FBXL20: variants seen among roughly 807,000 people sequenced by gnomAD.
FBXL20 encodes F-box/LRR-repeat protein 20.
FBXL20 carries 11 observed loss-of-function variants against 64.0 expected under a neutral mutation model. The observed-to-expected ratio is 0.17, with a 90% CI of 0.11 to 0.28. The LOEUF is 0.28. Ranked by LOEUF, FBXL20 falls within the 10% of genes least tolerant of loss-of-function variation. FBXL20 has a pLI of 1.00. For synonymous variants in FBXL20, 184 were observed against 189.0 expected (o/e 0.97, Z 0.22); for missense variants, 303 against 526.2 (o/e 0.58, Z 4.15).
chr17:39,307,336 A>G (rs900111074), intron 2 of FBXL20, among the ~76,000 whole-genome samples: 1 of 152,218 alleles, frequency 6.6e-6, no homozygotes, highest in Non-Finnish European at 1.5e-5. Flanking sequence ...AAGGGTGGTC[A>G]AGGAAAGCCT....
At chr17:39,387,909 A>G (rs572677325) in intron 1 of FBXL20, among the ~76,000 whole-genome samples, 4 of 152,158 alleles carry the variant, frequency 2.6e-5, no homozygotes, top group Admixed American at 2.0e-4. Flanking sequence ...GATACTTTCA[A>G]TTTATCATAG....
At chr17:39,296,559 CAAAAAAAAA>C (rs60002793) in intron 6 of FBXL20, among the ~76,000 whole-genome samples, 11 of 62,164 alleles carry the variant, frequency 1.8e-4, no homozygotes, top group African/African-American at 5.2e-4. Flanking sequence ...GACTCTGTCT[CAAAAAAAAA>C]AAAAAAAAAA....
In FBXL20 at chr17:39,335,227, TGTAATAC is replaced by T. The variant is rs564733313; in HGVS notation, c.104+7946_104+7952del. ...AATAACTGTCTTTGTTTCTTGCTTC[TGTAATAC>T]GCTTCCCCCTGCACAGATCTACCCC... On this transcript the variant is annotated intron_variant, in intron 2 of 14. Coordinates refer to ENST00000264658, the MANE Select transcript of FBXL20 (RefSeq NM_032875.3). 1.5e-3 allele frequency among the ~76,000 whole-genome samples: 235 copies of T among 152,288 alleles called. 3 individuals carry two copies. The South Asian group carries it at 0.016, about 11-fold the overall frequency.
chr17:39,383,349 G>A (rs999165863), intron 1 of FBXL20, among the ~76,000 whole-genome samples: 5 of 152,096 alleles, frequency 3.3e-5, no homozygotes, highest in Non-Finnish European at 5.9e-5. Flanking sequence ...GGTCGGGTAT[G>A]ATGGCTCATG....
chr17:39,335,177 AATG>A (rs1156381347), intron 2 of FBXL20, among the ~76,000 whole-genome samples: 1 of 152,030 alleles, frequency 6.6e-6, no homozygotes. Context: ...AAAAGTAAGA[AATG>A]ATGTAATGCA....
chr17:39,337,909 G>A (rs1414822424), intron 2 of FBXL20, among the ~76,000 whole-genome samples: 4 of 150,480 alleles, frequency 2.7e-5, no homozygotes, highest in Non-Finnish European at 5.9e-5. Context: ...ATCCGGGAGG[G>A]AGGTGGGGGG....
chr17:39,264,683 AAC>A (rs1297170715), intron 13 of FBXL20, among the ~76,000 whole-genome samples: 4 of 152,178 alleles, frequency 2.6e-5, no homozygotes, highest in Admixed American at 6.6e-5. Context: ...TCCTCAAATT[AAC>A]ACTTTTCCTT....
At chr17:39,393,875 T>G (rs1258034385) in intron 1 of FBXL20, among the ~76,000 whole-genome samples, 1 of 152,218 alleles carries the variant, frequency 6.6e-6, no homozygotes, top group East Asian at 1.9e-4. Context: ...TTTATAAAAG[T>G]TATACAACTA....
intron 2 of FBXL20, among the ~76,000 whole-genome samples, chr17:39,331,909 A>C (rs2047465162): frequency 6.6e-6 from 1 of 152,198 alleles, no homozygotes; most frequent in Non-Finnish European, 1.5e-5. Context: ...GCTACAACAA[A>C]ATACCTCAGA....
intron 2 of FBXL20, among the ~76,000 whole-genome samples, chr17:39,328,717 G>T (rs1359213894): frequency 1.3e-5 from 2 of 152,288 alleles, no homozygotes; most frequent in African/African-American, 2.4e-5. Context: ...TTTCAGGAAA[G>T]AATCAAATTA....
chr17:39,381,153 T>C (rs147805415), intron 1 of FBXL20, among the ~76,000 whole-genome samples: 1,606 of 141,506 alleles, frequency 0.011, 27 homozygotes, highest in African/African-American at 0.041. Context: ...AGAGTGAAAC[T>C]CCGTCTCAAA....
intron 1 of FBXL20, 137 bp downstream of exon 1, chr17:39,401,224 G>T: frequency 6.5e-7 from 1 of 1,531,924 alleles, no homozygotes; most frequent in East Asian, 2.4e-5. Flanking sequence ...GCAAGAAAGG[G>T]GAGCGGAGTC....
Position 39,401,514 on chromosome 17 carries a change from A to G in FBXL20, c.-112T>C. Reference sequence around the variant, plus strand: ...ACGGGGACTGGGCGCCGGAGGGGTGACGCCGGGACCGTGGGACGGGAACAA... The same window carrying G: ...ACGGGGACTGGGCGCCGGAGGGGTGGCGCCGGGACCGTGGGACGGGAACAA... On this transcript the variant is annotated 5_prime_UTR_variant, in exon 1 of 15. Transcript: ENST00000264658. 1 of 1,472,570 alleles carries G rather than the reference A, an allele frequency of 6.8e-7. No individual in the cohort carries two copies. The highest frequency in any genetic ancestry group is 8.9e-7 in the Non-Finnish European group (1 of 1,121,710). The allele number at this position is 1,472,570 out of a possible 1,614,324, so 91.2% of individuals were successfully genotyped here.
rs1314618395 is a variant in FBXL20 at position 39,389,623 on chromosome 17, CCTGG to C, written c.42+11734_42+11737del. Among the ~76,000 whole-genome samples, 10 of 152,062 alleles carry C rather than the reference CCTGG, an allele frequency of 6.6e-5. No homozygotes were observed. In the South Asian group the frequency reaches 2.1e-3, roughly 32 times the overall value. ...CACAAGGTTAGGAGATCGAGACCATCCTGGCTAACACGGTGAAACCCTGTCTCTA... is the reference window on the plus strand; with the variant it reads ...CACAAGGTTAGGAGATCGAGACCATCCTAACACGGTGAAACCCTGTCTCTA... On this transcript the variant is annotated intron_variant, in intron 1 of 14. Coordinates refer to ENST00000264658, the MANE Select transcript of FBXL20 (RefSeq NM_032875.3).
In FBXL20 at chr17:39,351,467, AAT is replaced by A. The variant is rs530095803; in HGVS notation, c.43-8228_43-8227del. 5.9e-5 allele frequency among the ~76,000 whole-genome samples: 9 copies of A among 152,304 alleles called. No individual in the cohort carries two copies. In the South Asian group the frequency reaches 1.2e-3, roughly 21 times the overall value. ...AACAACTATTTCATAAAAGCAATAG[AAT>A]ATGTGTTTTAGGTATTTTACTATTT... On this transcript the variant is annotated intron_variant, in intron 1 of 14. Transcript: ENST00000264658.
At chr17:39,343,337 TA>T (rs200963120) in intron 1 of FBXL20, 96 bp from the exon 2 acceptor site, 19 of 812,040 alleles carry the variant, frequency 2.3e-5, no homozygotes, top group Non-Finnish European at 3.5e-5. Context: ...AGGAAAGAGG[TA>T]AAAAAATATA....
At chr17:39,309,605 C>T (rs1408687440) in intron 2 of FBXL20, among the ~76,000 whole-genome samples, 2 of 151,838 alleles carry the variant, frequency 1.3e-5, no homozygotes, top group African/African-American at 4.8e-5. Flanking sequence ...GAGTTCGAGA[C>T]CAGCCTGGCC....
chr17:39,299,383 G>T (rs2047114530), intron 4 of FBXL20, among the ~76,000 whole-genome samples: 1 of 152,164 alleles, frequency 6.6e-6, no homozygotes, highest in African/African-American at 2.4e-5. Flanking sequence ...GCTGGGTTAA[G>T]CTGCAGCTAC....
In FBXL20 at chr17:39,401,407, C is replaced by A; in HGVS notation, c.-5G>T. The A allele has an allele frequency of 6.2e-7, 1 of 1,602,498 alleles. No homozygotes were observed. Among genetic ancestry groups the A allele is most frequent in the East Asian group, 2.3e-5 (1 of 43,852 alleles). On this transcript the variant is annotated 5_prime_UTR_variant, in exon 1 of 15. Transcript: ENST00000264658. ...TCCGTTCACGTCCCTCCTCATGGGG[C>A]CGGCGGGTGCGGCCCGGGCCGGGCG... is the stretch of plus-strand genomic sequence containing the variant.
Sources: gnomAD v4.1 joint callset for allele counts (sites outside exome capture counted in the v4.1 genomes callset) on GRCh38, gnomAD v4.1.1 for gene constraint, MANE v1.5 for transcripts, NCBI Gene and HGNC (gene_info 2026-07-23, HGNC 2026-07-21) for gene names.